The following NUP98 variants were observed in gnomAD, a reference collection of about 807,000 sequenced individuals.
NUP98 encodes nucleoporin 98 and 96 precursor.
A neutral mutation model predicts 191.9 loss-of-function variants in NUP98; 26 were observed. The ratio of observed to expected loss-of-function variants is 0.14; its 90% CI spans 0.10 to 0.19. The LOEUF (loss-of-function observed/expected upper bound fraction) is 0.19, where lower values mean the gene tolerates loss of function less well. NUP98 is among the 10% of genes least tolerant of loss of function. The pLI is 1.00. For missense variants in NUP98, 1,941 were observed against 2,178.8 expected, an observed-to-expected ratio of 0.89 and a Z score of 2.17; for synonymous variants, 808 against 778.4, an observed-to-expected ratio of 1.04 and a Z score of -0.63.
rs1388432502 is a variant in NUP98 at position 3,737,306 on chromosome 11, CA to C, written c.1409-1983del. Among the ~76,000 whole-genome samples the C allele has an allele frequency of 5.1e-5, 4 of 78,424 alleles. No homozygotes were observed. The East Asian group carries it at 1.5e-3, about 30-fold the overall frequency. The allele number at this position is 78,424 out of a possible 152,430, so 51.4% of individuals were successfully genotyped here. On this transcript the variant is annotated intron_variant, in intron 12 of 32. Transcript: ENST00000324932. ...AATGTTGTGGGGAGTGGGTGGAGAA[CA>C]AAAGCAGTAATAACAAAAAAAAAAA...
At chr11:3,739,863 T>C (rs1033653474) in intron 12 of NUP98, among the ~76,000 whole-genome samples, 2 of 152,074 alleles carry the variant, frequency 1.3e-5, no homozygotes, top group Non-Finnish European at 2.9e-5. Flanking sequence ...CACTTATGTG[T>C]GGATTTCCTC....
intron 24 of NUP98, among the ~76,000 whole-genome samples, 192 bp downstream of exon 24, chr11:3,700,418 G>C (rs2078641579): frequency 6.6e-6 from 1 of 152,080 alleles, no homozygotes; most frequent in South Asian, 2.1e-4. Context: ...ATGGGTAAAA[G>C]AACAAAGTGA....
intron 22 of NUP98, among the ~76,000 whole-genome samples, chr11:3,703,855 G>T (rs1031570502): frequency 2.0e-5 from 3 of 151,966 alleles, no homozygotes; most frequent in African/African-American, 7.3e-5. Flanking sequence ...TTTTTATCTA[G>T]CTAGCTAGCT....
intron 1 of NUP98, among the ~76,000 whole-genome samples, chr11:3,791,176 T>G (rs934948358): frequency 1.2e-4 from 18 of 152,062 alleles, no homozygotes; most frequent in Non-Finnish European, 2.4e-4. Context: ...ATTACAGGCG[T>G]GAGCCACTGC....
In NUP98 at chr11:3,714,555, C is replaced by A. The variant is rs560548035; in HGVS notation, c.2400-560G>T. Among the ~76,000 whole-genome samples, 13 of 152,216 alleles carry A rather than the reference C, an allele frequency of 8.5e-5. No individual in the cohort carries two copies. In the East Asian group the frequency reaches 2.1e-3, roughly 25 times the overall value. ...ACTACTAGGATGTAATAGGTAGATG[C>A]TGCTCTCCATTTCCTGCTTCCCGGA... is the stretch of plus-strand genomic sequence containing the variant. On this transcript the variant is annotated intron_variant, in intron 18 of 32. Coordinates refer to ENST00000324932, the MANE Select transcript of NUP98 (RefSeq NM_016320.5).
At chr11:3,777,030 G>A (rs1377282333) in intron 4 of NUP98, among the ~76,000 whole-genome samples, 1 of 151,986 alleles carries the variant, frequency 6.6e-6, no homozygotes, top group Non-Finnish European at 1.5e-5. Context: ...CTTCAAGAGT[G>A]GTCACAGTAC....
At chr11:3,782,886 T>C (rs1235827332) in intron 1 of NUP98, among the ~76,000 whole-genome samples, 2 of 152,168 alleles carry the variant, frequency 1.3e-5, no homozygotes, top group African/African-American at 2.4e-5. Context: ...GTTTGCATTA[T>C]AAAGTTTCTT....
intron 25 of NUP98, among the ~76,000 whole-genome samples, chr11:3,697,600 CGAGT>C (rs947219093): frequency 2.0e-5 from 3 of 151,764 alleles, no homozygotes; most frequent in African/African-American, 7.3e-5. Flanking sequence ...CTGGAAGTCA[CGAGT>C]TTGAGACCAC....
At chr11:3,705,010 A>T (rs2078817025) in intron 22 of NUP98, among the ~76,000 whole-genome samples, 190 bp downstream of exon 22, 1 of 152,212 alleles carries the variant, frequency 6.6e-6, no homozygotes, top group Non-Finnish European at 1.5e-5. Flanking sequence ...CCTGTCTCTA[A>T]AAACAAAAAA....
chr11:3,679,151 G>A (rs1006559068), intron 31 of NUP98, among the ~76,000 whole-genome samples: 77 of 145,136 alleles, frequency 5.3e-4, no homozygotes, highest in African/African-American at 1.7e-3. Context: ...AAAACTGACC[G>A]AAGACATTGA....
chr11:3,693,471 C>T, intron 26 of NUP98, 96 bp from the exon 27 acceptor site: 1 of 1,195,396 alleles, frequency 8.4e-7, no homozygotes, highest in East Asian at 2.4e-5. Flanking sequence ...ATTCAAGGAA[C>T]ATTTTAAATG....
At chr11:3,795,900 A>T (rs2134007759) in intron 1 of NUP98, among the ~76,000 whole-genome samples, 1 of 152,330 alleles carries the variant, frequency 6.6e-6, no homozygotes, top group East Asian at 1.9e-4. Context: ...CATCTATACA[A>T]GAACAAAGTA....
At chr11:3,715,789 A>AT (rs2134186003) in intron 18 of NUP98, among the ~76,000 whole-genome samples, 2 of 87,920 alleles carry the variant, frequency 2.3e-5, no homozygotes, top group East Asian at 7.4e-4. Flanking sequence ...GACTACTTAA[A>AT]ATTTTTTTTT....
intron 30 of NUP98, among the ~76,000 whole-genome samples, chr11:3,681,215 A>G (rs1482784361): frequency 6.6e-6 from 1 of 151,966 alleles, no homozygotes; most frequent in Non-Finnish European, 1.5e-5. Flanking sequence ...TAATTTTTGT[A>G]TTTTTTGTAG....
At chr11:3,794,244 A>AT (rs1281912279) in intron 1 of NUP98, among the ~76,000 whole-genome samples, 1 of 152,166 alleles carries the variant, frequency 6.6e-6, no homozygotes, top group African/African-American at 2.4e-5. Context: ...CTTACGGTCA[A>AT]TTTCAAACAA....
rs1394073211 is a variant in NUP98 at position 3,788,412 on chromosome 11, G to C, written c.-28-6267C>G. On this transcript the variant is annotated intron_variant, in intron 1 of 32. Coordinates refer to ENST00000324932, the MANE Select transcript of NUP98 (RefSeq NM_016320.5). ...GAGCTCAGGAGTTCGAGCCCAGCCTGGCCTACATGGTGAAACCCCCTGTCT... is the reference window on the plus strand; with the variant it reads ...GAGCTCAGGAGTTCGAGCCCAGCCTCGCCTACATGGTGAAACCCCCTGTCT... Among the ~76,000 whole-genome samples, 2 of 152,038 alleles carry C rather than the reference G, an allele frequency of 1.3e-5. 1 individual carries two copies. Among genetic ancestry groups the C allele is most frequent in the Non-Finnish European group, 2.9e-5 (2 of 68,016 alleles).
intron 1 of NUP98, among the ~76,000 whole-genome samples, chr11:3,791,596 G>A (rs886487235): frequency 1.4e-5 from 2 of 145,284 alleles, no homozygotes; most frequent in Non-Finnish European, 3.0e-5. Context: ...TATAATCCCA[G>A]CATTTCGGGA....
intron 4 of NUP98, among the ~76,000 whole-genome samples, chr11:3,777,263 A>G (rs2081764640): frequency 6.6e-6 from 1 of 152,188 alleles, no homozygotes; most frequent in Non-Finnish European, 1.5e-5. Flanking sequence ...TTAAAAAAAA[A>G]TTACACATAA....
At chr11:3,784,115 G>A (rs928458417) in intron 1 of NUP98, among the ~76,000 whole-genome samples, 1 of 152,152 alleles carries the variant, frequency 6.6e-6, no homozygotes, top group African/African-American at 2.4e-5. Context: ...CACAATGTAT[G>A]TAAAGAGTAG....
Sources: gnomAD v4.1 joint callset for allele counts (sites outside exome capture counted in the v4.1 genomes callset) on GRCh38, gnomAD v4.1.1 for gene constraint, MANE v1.5 for transcripts, NCBI Gene and HGNC (gene_info 2026-07-23, HGNC 2026-07-21) for gene names.